The following USP42 variants were observed in gnomAD, a reference collection of about 807,000 sequenced individuals.
The protein encoded by USP42 is ubiquitin specific peptidase 42.
In USP42, 23 loss-of-function variants were observed where a neutral mutation model predicts 113.0. The observed-to-expected ratio is 0.20, with a 90% CI of 0.15 to 0.29. The LOEUF is 0.29. USP42 is among the 10% of genes least tolerant of loss of function. The pLI is 1.00. For missense variants in USP42, 2,174 were observed against 1,779.8 expected, an observed-to-expected ratio of 1.22 and a Z score of -3.99; for synonymous variants, 933 against 699.0, an observed-to-expected ratio of 1.33 and a Z score of -5.28.
At chr7:6,145,480 C>G (rs1183347472) in intron 9 of USP42, 36 bp from the exon 10 acceptor site, 2 of 1,613,202 alleles carry the variant, frequency 1.2e-6, no homozygotes, top group Non-Finnish European at 1.7e-6. Flanking sequence ...GATCTGTGCC[C>G]TCGGAAATGT....
intron 14 of USP42, among the ~76,000 whole-genome samples, chr7:6,153,334 A>G (rs1218446893): frequency 6.6e-5 from 10 of 152,148 alleles, no homozygotes; most frequent in South Asian, 2.1e-4. Context: ...TGGAAGAACT[A>G]GAGGGATATC....
rs772590085 is a variant in USP42 at position 6,153,856 on chromosome 7, G to A, written c.2302G>A (p.Gly768Ser). ...CCTGGAGGAGCCAGATGCGGCCGCC[G>A]GCCTCAGCAGCACCAAGAAGGCTCC... ...ESLEEPDAAA[G>S]LSSTKKAPPP... Residue 768 changes from glycine (G) to serine (S), a missense_variant, in exon 15 of 18, where the codon GGC becomes AGC. By Grantham distance (56) the Gly-to-Ser change is moderately conservative. Transcript: ENST00000306177. 22 of 1,551,334 alleles carry A rather than the reference G, an allele frequency of 1.4e-5. No individual in the cohort carries two copies. The African/African-American group carries it at 2.5e-4, about 17-fold the overall frequency.
intron 9 of USP42, among the ~76,000 whole-genome samples, chr7:6,144,654 C>A (rs1446321916): frequency 6.6e-6 from 1 of 152,186 alleles, no homozygotes; most frequent in African/African-American, 2.4e-5. Context: ...CATATCACTT[C>A]AAGCCGGGAG....
intron 3 of USP42, among the ~76,000 whole-genome samples, chr7:6,130,786 AG>A (rs1448677747): frequency 1.3e-5 from 2 of 152,144 alleles, no homozygotes; most frequent in African/African-American, 2.4e-5. Flanking sequence ...AGAGAGGCTC[AG>A]GAAGACAAAG....
At chr7:6,108,663 T>A (rs752010753) in intron 1 of USP42, among the ~76,000 whole-genome samples, 10 of 152,076 alleles carry the variant, frequency 6.6e-5, no homozygotes, top group Non-Finnish European at 1.3e-4. Flanking sequence ...GTATTTTCAG[T>A]AGAGACAGGG....
the USP42 span, among the ~76,000 whole-genome samples, chr7:6,091,978 TTTCTTCTTCTTC>T: frequency 9.3e-3 from 628 of 67,848 alleles, 38 homozygotes; most frequent in East Asian, 0.033. Flanking sequence ...GGACGTATTT[TTTCTTCTTCTTC>T]TTCTTCTTCT....
rs145571573 is a variant in USP42, at chr7:6,122,271, A to T, written c.442+6748A>T. Among the ~76,000 whole-genome samples, 19 of 146,510 alleles carry T rather than the reference A, an allele frequency of 1.3e-4. 1 individual carries two copies. The highest frequency in any genetic ancestry group is 3.3e-4 in the African/African-American group (13 of 39,760). ...TGTATCCCAGATATGTTGATATGTC[A>T]TGTGTCAGTTTTTTTTTTTTTTTTT... On this transcript the variant is annotated intron_variant, in intron 3 of 17. Transcript: ENST00000306177.
At position 6,140,974 on chromosome 7, in the gene USP42, TG is replaced by T; in HGVS notation, c.787del (p.Glu263ArgfsTer2). ...DTFDPYLDIT[L>X]EIKAAQSVNK... ...TTTGATCCATATCTTGATATAACAT[TG>T]GAGATAAAGGTAAATTTCATAATTA... On this transcript the variant is annotated frameshift_variant, in exon 7 of 18. Coordinates refer to ENST00000306177, the MANE Select transcript of USP42 (RefSeq NM_032172.3). LOFTEE classifies it high-confidence loss of function. 1 of 1,522,612 alleles carries T rather than the reference TG, an allele frequency of 6.6e-7. No homozygotes were observed. Among genetic ancestry groups the T allele is most frequent in the South Asian group, 1.2e-5 (1 of 80,142 alleles). The allele number at this position is 1,522,612 out of a possible 1,614,324, so 94.3% of individuals were successfully genotyped here.
upstream of USP42, among the ~76,000 whole-genome samples, chr7:6,103,212 C>A (rs1434293584): frequency 1.3e-5 from 2 of 149,788 alleles, no homozygotes; most frequent in African/African-American, 5.0e-5. Context: ...GGAGCAAGAA[C>A]TGGTCCAGTT....
At chr7:6,096,278 G>A in the USP42 span, among the ~76,000 whole-genome samples, 3 of 151,288 alleles carry the variant, frequency 2.0e-5, no homozygotes, top group Non-Finnish European at 4.4e-5. Context: ...TTCGAGACCA[G>A]CTTATTACTT....
In USP42 at chr7:6,154,419, C is replaced by G. The variant is rs755616172; in HGVS notation, c.2865C>G (p.Ser955Arg). 8 of 1,575,370 alleles carry G rather than the reference C, an allele frequency of 5.1e-6. No homozygotes were observed. In the South Asian group the frequency reaches 9.3e-5, roughly 18 times the overall value. The change falls in exon 15 of 18, where the codon AGC (serine) becomes AGG (arginine). Residue 955 changes from serine to arginine, a missense_variant. Ser to Arg is a moderately radical substitution (Grantham distance 110, BLOSUM62 -1). Transcript: ENST00000306177. Reference protein sequence around the residue: ...LRKVDRGHYRSRRERSSSGEP... With the variant: ...LRKVDRGHYRRRRERSSSGEP... ...AGGTGGACCGAGGCCACTACCGCAGCCGGAGAGAGCGCTCGTCCAGCGGGG... is the reference window on the plus strand; with the variant it reads ...AGGTGGACCGAGGCCACTACCGCAGGCGGAGAGAGCGCTCGTCCAGCGGGG...
Position 6,154,591 on chromosome 7 carries a change from T to C in USP42, c.3037T>C (p.Ser1013Pro). The C allele has an allele frequency of 6.3e-7, 1 of 1,576,128 alleles. No individual in the cohort carries two copies. The highest frequency in any genetic ancestry group is 8.6e-7 in the Non-Finnish European group (1 of 1,163,416). ...CAGGCTCAGCCCTGGCGAGCGCCGC[T>C]CTCTGGGCAGGTGCAGTCACCACCA... The part of the protein sequence containing the change: ...GDRLSPGERR[S>P]LGRCSHHHSR... Residue 1013 changes from serine to proline, a missense_variant, in exon 15 of 18, where the codon TCT (serine) becomes CCT (proline). Physicochemically the swap from Ser to Pro is moderately conservative, Grantham distance 74. Transcript: ENST00000306177.
intron 4 of USP42, among the ~76,000 whole-genome samples, chr7:6,137,592 A>C (rs1781215585): frequency 6.6e-6 from 1 of 152,198 alleles, no homozygotes; most frequent in Non-Finnish European, 1.5e-5. Flanking sequence ...TCCTGACCTC[A>C]GGTGATCCAC....
rs1471925079 is a variant in USP42 at position 6,159,492 on chromosome 7, T to C, written c.*35T>C. The C allele has an allele frequency of 5.0e-6, 8 of 1,613,478 alleles. No homozygotes were observed. The highest frequency in any genetic ancestry group is 1.7e-5 in the Admixed American group (1 of 59,994). On this transcript the variant is annotated splice_region_variant and 3_prime_UTR_variant, in exon 17 of 18. Transcript: ENST00000306177. This position sits in a 1 kb window ranked among gnomAD's most constrained non-coding sequence, Gnocchi z 4.1. The stretch of plus-strand genomic sequence containing the variant: ...CTCAAAACAAAAAATTCACTAGTTA[T>C]GGTAAGCTGTTTTCCTGTCTGTTTC...
intron 7 of USP42, among the ~76,000 whole-genome samples, chr7:6,141,550 A>G (rs1417031270): frequency 6.7e-6 from 1 of 149,878 alleles, no homozygotes; most frequent in African/African-American, 2.4e-5. Context: ...AGCCAAGTAC[A>G]GTTGGTTATT....
At chr7:6,087,340 CTTTT>C in the USP42 span, among the ~76,000 whole-genome samples, 1 of 116,506 alleles carries the variant, frequency 8.6e-6, no homozygotes. Context: ...CTAAGCGCTT[CTTTT>C]TTTTTTTTTT....
chr7:6,116,737 G>C, intron 3 of USP42: 1 of 531,116 alleles, frequency 1.9e-6, no homozygotes, highest in Admixed American at 2.0e-5. Context: ...ACCTACCTAG[G>C]GGTGTTTGTT....
rs1470148241 is a variant in USP42, at chr7:6,156,766, C to G, written c.3654C>G (p.Asp1218Glu). The change falls in exon 16 of 18, where the codon GAC (aspartate) becomes GAG (glutamate). Residue 1218 changes from aspartate to glutamate, a missense_variant. By Grantham distance (45) the Asp-to-Glu change is conservative. Transcript: ENST00000306177. ...TTTCCTTCTGCAGGCATCAGCAGGACTCAGACCTCTCAGCAGCGTGCTCTG... is the reference window on the plus strand; with the variant it reads ...TTTCCTTCTGCAGGCATCAGCAGGAGTCAGACCTCTCAGCAGCGTGCTCTG... The part of the protein sequence containing the change: ...HRDRDSRHQQ[D>E]SDLSAACSDA... 2 of 1,554,456 alleles carry G rather than the reference C, an allele frequency of 1.3e-6. No homozygotes were observed. Among genetic ancestry groups the G allele is most frequent in the East Asian group, 2.2e-5 (1 of 44,534 alleles).
chr7:6,154,778 A>G lies in USP42; in HGVS notation c.3224A>G (p.Lys1075Arg), dbSNP rs1237338250. 1 of 1,552,484 alleles carries G rather than the reference A, an allele frequency of 6.4e-7. No homozygotes were observed. Residue 1075 changes from lysine to arginine, a missense_variant, in exon 15 of 18, where the codon AAG becomes AGG. Coordinates refer to ENST00000306177, the MANE Select transcript of USP42 (RefSeq NM_032172.3). The stretch of plus-strand genomic sequence containing the variant: ...GCCCTGTACGCTGCCCGGGACTGGA[A>G]GCCCTTCCACGGCGGCCGCGAGCAC... ...RYALYAARDW[K>R]PFHGGREHER...
Sources: allele counts gnomAD v4.1 joint callset (sites outside exome capture counted in the v4.1 genomes callset), GRCh38; gene constraint gnomAD v4.1.1; non-coding constraint Gnocchi (gnomAD v3.1); transcripts MANE v1.5; gene names NCBI Gene and HGNC (gene_info 2026-07-23, HGNC 2026-07-21).